Variants in PREX2 observed in about 807,000 individuals in gnomAD.
PREX2 encodes phosphatidylinositol 3,4,5-trisphosphate-dependent Rac exchanger 2 protein.
In PREX2, 107 loss-of-function variants were observed where a neutral mutation model predicts 203.2. That is an observed-to-expected ratio of 0.53 (90% CI 0.45 to 0.62). The LOEUF is 0.62. Among genes scored for constraint, PREX2 ranks in the 20% least tolerant of loss-of-function variants. PREX2 has a pLI of 0.00. For synonymous variants in PREX2, 672 were observed against 663.6 expected (o/e 1.01, Z -0.19); for missense variants, 1,777 against 1,955.9 (o/e 0.91, Z 1.72).
chr8:68,234,697 A>T lies in PREX2; in HGVS notation c.*3319A>T, dbSNP rs2129615751. The T allele has an allele frequency of 6.6e-6, 1 of 152,214 alleles. No homozygotes were observed. Among genetic ancestry groups the T allele is most frequent in the South Asian group, 2.1e-4 (1 of 4,828 alleles). 9.4% of individuals were successfully genotyped at this position (152,214 alleles called of 1,614,324 possible). The stretch of plus-strand genomic sequence containing the variant: ...TTTATTTTATCAGTTCGCAAATCTG[A>T]AGTCTCATACTGTTTTCTGTCTCTT... On this transcript the variant is annotated 3_prime_UTR_variant, in exon 40 of 40. Coordinates refer to ENST00000288368, the MANE Select transcript of PREX2 (RefSeq NM_024870.4).
chr8:68,197,679 T>C (rs1032627335), intron 37 of PREX2, among the ~76,000 whole-genome samples: 2 of 149,890 alleles, frequency 1.3e-5, no homozygotes, highest in Admixed American at 6.7e-5. Context: ...ATCTGCCTTA[T>C]ACTTGTGGCA....
At chr8:67,970,195 C>T (rs968219383) in intron 1 of PREX2, among the ~76,000 whole-genome samples, 4 of 152,142 alleles carry the variant, frequency 2.6e-5, no homozygotes, top group African/African-American at 9.7e-5. Context: ...GAGTTAATCT[C>T]GATCTGTTAA....
At position 68,093,670 on chromosome 8, in the gene PREX2, C is replaced by T; in HGVS notation, c.2316C>T (p.His772=). 1 of 1,611,582 alleles carries T rather than the reference C, an allele frequency of 6.2e-7. No homozygotes were observed. Among genetic ancestry groups the T allele is most frequent in the Non-Finnish European group, 8.5e-7 (1 of 1,177,880 alleles). Residue 772 remains histidine (H), a synonymous_variant, in exon 21 of 40, where the codon CAC becomes CAT. Transcript: ENST00000288368. ...ESAQEDLQKS[H]SKPPGDEAGD... is the part of the protein sequence containing the mutation. ...CTCAAGAAGACCTTCAAAAATCTCA[C>T]TCCAAGCCCCCTGGAGATGAAGCAG... is the stretch of plus-strand genomic sequence containing the variant.
intron 14 of PREX2, among the ~76,000 whole-genome samples, chr8:68,074,107 C>T (rs982917276): frequency 5.3e-5 from 8 of 151,952 alleles, no homozygotes; most frequent in African/African-American, 1.9e-4. Flanking sequence ...CCTGGGATTA[C>T]AGGTGTGCAC....
intron 1 of PREX2, among the ~76,000 whole-genome samples, chr8:67,993,667 CA>C (rs1806676886): frequency 6.6e-6 from 1 of 152,138 alleles, no homozygotes; most frequent in African/African-American, 2.4e-5. Context: ...CTCGGCCTCC[CA>C]AAGTGCTGGG....
chr8:68,052,670 A>C (rs552970394), intron 8 of PREX2, among the ~76,000 whole-genome samples: 4 of 152,306 alleles, frequency 2.6e-5, no homozygotes, highest in African/African-American at 7.2e-5. Flanking sequence ...AGATTTTTCC[A>C]TGGGGCATAG....
chr8:68,156,262 G>A (rs915234691), intron 34 of PREX2, among the ~76,000 whole-genome samples: 2 of 152,124 alleles, frequency 1.3e-5, no homozygotes, highest in East Asian at 1.9e-4. Context: ...ACAGGGTCTC[G>A]CTATGTTGCC....
intron 35 of PREX2, among the ~76,000 whole-genome samples, chr8:68,185,076 C>T (rs971749824): frequency 6.6e-6 from 1 of 152,098 alleles, no homozygotes; most frequent in Admixed American, 6.6e-5. Flanking sequence ...TTTATATTAC[C>T]ACAGTCTTGT....
At chr8:67,992,984 T>C (rs1380487065) in intron 1 of PREX2, among the ~76,000 whole-genome samples, 1 of 152,230 alleles carries the variant, frequency 6.6e-6, no homozygotes, top group Non-Finnish European at 1.5e-5. Context: ...AACTAGATAT[T>C]TGAAGATTAC....
intron 34 of PREX2, among the ~76,000 whole-genome samples, chr8:68,156,741 G>C (rs1811550332): frequency 6.6e-6 from 1 of 152,120 alleles, no homozygotes; most frequent in Non-Finnish European, 1.5e-5. Context: ...GCCCAGTTAT[G>C]GGGAGGTGAC....
chr8:68,022,388 G>A (rs188765760), intron 4 of PREX2, among the ~76,000 whole-genome samples: 1 of 152,098 alleles, frequency 6.6e-6, no homozygotes, highest in Non-Finnish European at 1.5e-5. Context: ...GGTTCCTAGC[G>A]AGAGAGGAGC....
At chr8:68,071,880 C>T (rs1809204997) in intron 13 of PREX2, among the ~76,000 whole-genome samples, 1 of 152,090 alleles carries the variant, frequency 6.6e-6, no homozygotes, top group African/African-American at 2.4e-5. Flanking sequence ...CTGGAGCATT[C>T]AGGAGCAGGA....
chr8:68,040,634 A>T (rs1808169760), intron 7 of PREX2, among the ~76,000 whole-genome samples: 1 of 151,992 alleles, frequency 6.6e-6, no homozygotes, highest in Non-Finnish European at 1.5e-5. Context: ...ATCCCATCTA[A>T]TGTGGCCTCC....
chr8:68,038,110 G>GAAGTGTCAACCAAGTAAGCAGA, intron 6 of PREX2, 49 bp from the exon 7 acceptor site: 1 of 1,568,710 alleles, frequency 6.4e-7, no homozygotes, highest in African/African-American at 1.4e-5. Context: ...ATTATTTACA[G>GAAGTGTCAACCAAGTAAGCAGA]AAGTGTCAAC....
chr8:68,018,840 A>G (rs550522913), intron 2 of PREX2, among the ~76,000 whole-genome samples: 34 of 152,332 alleles, frequency 2.2e-4, no homozygotes, highest in African/African-American at 7.9e-4. Context: ...TTTGCTGGAA[A>G]TATAAAACAT....
rs1266794038 is a variant in PREX2 at position 68,235,833 on chromosome 8, G to A, written c.*4455G>A. Reference sequence around the variant, plus strand: ...GCATTCATACTGCCAACAGTCTGCTGGTCATACATGGAAGACTGTTAAAGT... The same window carrying A: ...GCATTCATACTGCCAACAGTCTGCTAGTCATACATGGAAGACTGTTAAAGT... On this transcript the variant is annotated 3_prime_UTR_variant, in exon 40 of 40. Coordinates refer to ENST00000288368, the MANE Select transcript of PREX2 (RefSeq NM_024870.4). The A allele has an allele frequency of 2.0e-5, 3 of 152,072 alleles. No homozygotes were observed. Among genetic ancestry groups the A allele is most frequent in the Admixed American group, 6.6e-5 (1 of 15,248 alleles). The allele number at this position is 152,072 out of a possible 1,614,324, so 9.4% of individuals were successfully genotyped here.
chr8:68,080,670 A>T, intron 16 of PREX2, 76 bp from the exon 17 acceptor site: 1 of 1,434,690 alleles, frequency 7.0e-7, no homozygotes, highest in Non-Finnish European at 9.6e-7. Context: ...ACGGTGATGC[A>T]CATTACTTCG....
chr8:68,060,085 C>T (rs1006085074), intron 10 of PREX2, among the ~76,000 whole-genome samples: 1 of 152,102 alleles, frequency 6.6e-6, no homozygotes, highest in Non-Finnish European at 1.5e-5. Flanking sequence ...AGAGCAATAC[C>T]TAGATTAGAA....
rs1286070372 is a variant in PREX2, at chr8:68,202,638, A to G, written c.4604+10113A>G. ...AAAGGCTAGTTGTGAAAGGTATTAA[A>G]TGGCAGTCAACAGGACTTGGTGATT... On this transcript the variant is annotated intron_variant, in intron 37 of 39. Transcript: ENST00000288368. Among the ~76,000 whole-genome samples the G allele has an allele frequency of 3.9e-5, 6 of 152,158 alleles. No homozygotes were observed. In the East Asian group the frequency reaches 1.2e-3, roughly 29 times the overall value.
Sources: gnomAD v4.1 joint callset for allele counts (sites outside exome capture counted in the v4.1 genomes callset) on GRCh38, gnomAD v4.1.1 for gene constraint, MANE v1.5 for transcripts, NCBI Gene and HGNC (gene_info 2026-07-23, HGNC 2026-07-21) for gene names.